SNX7: variants seen among roughly 807,000 people sequenced by gnomAD.
SNX7 encodes the protein sorting nexin 7, also known as sorting nexin-7.
A neutral mutation model predicts 48.4 loss-of-function variants in SNX7; 35 were observed. That is an observed-to-expected ratio of 0.72 (90% CI 0.55 to 0.96). The LOEUF is 0.96. Among genes scored for constraint, SNX7 ranks in the 40% least tolerant of loss-of-function variants. The pLI is 0.00. For synonymous variants in SNX7, 190 were observed against 190.2 expected (o/e 1.00, Z 0.01); for missense variants, 553 against 548.9 (o/e 1.01, Z -0.07).
chr1:98,742,417 T>A (rs992124788), intron 8 of SNX7, among the ~76,000 whole-genome samples: 2 of 152,110 alleles, frequency 1.3e-5, no homozygotes, highest in Admixed American at 1.3e-4. Flanking sequence ...GAGATAGCGC[T>A]GTCCTCTCTG....
intron 8 of SNX7, among the ~76,000 whole-genome samples, chr1:98,747,233 G>A (rs890564936): frequency 1.2e-4 from 18 of 152,272 alleles, no homozygotes; most frequent in African/African-American, 4.3e-4. Context: ...TCTTCTTGCA[G>A]AATGAGTGTT....
At chr1:98,677,550 A>G (rs1650229536) in intron 1 of SNX7, among the ~76,000 whole-genome samples, 1 of 152,186 alleles carries the variant, frequency 6.6e-6, no homozygotes, top group Non-Finnish European at 1.5e-5. Context: ...TGGAAAAGGG[A>G]AAGGCTAGAC....
At chr1:98,670,280 G>GA (rs1304816527) in intron 1 of SNX7, among the ~76,000 whole-genome samples, 6 of 151,842 alleles carry the variant, frequency 4.0e-5, no homozygotes, top group Non-Finnish European at 7.4e-5. Context: ...TCTTTTACTT[G>GA]AAAAAAAACC....
At chr1:98,746,145 C>T (rs1002860045) in intron 8 of SNX7, among the ~76,000 whole-genome samples, 3 of 151,954 alleles carry the variant, frequency 2.0e-5, no homozygotes, top group Non-Finnish European at 2.9e-5. Context: ...CACATTATTA[C>T]CAGGAAATTT....
chr1:98,718,755 CA>C (rs1168867381), intron 7 of SNX7, among the ~76,000 whole-genome samples: 1 of 152,136 alleles, frequency 6.6e-6, no homozygotes, highest in East Asian at 1.9e-4. Context: ...TTTCTTTATG[CA>C]TATGCAATAA....
At chr1:98,726,152 C>A in intron 7 of SNX7, among the ~76,000 whole-genome samples, 1 of 152,086 alleles carries the variant, frequency 6.6e-6, no homozygotes, top group East Asian at 1.9e-4. Flanking sequence ...AAGGAAATGA[C>A]CTTGTCTGCA....
intron 8 of SNX7, among the ~76,000 whole-genome samples, chr1:98,758,932 TACAC>T (rs3841351): frequency 5.3e-5 from 8 of 150,982 alleles, no homozygotes; most frequent in African/African-American, 9.7e-5. Context: ...TGTTTGTGCA[TACAC>T]ACACACACAC....
At chr1:98,744,410 G>GA (rs1378020225) in intron 8 of SNX7, among the ~76,000 whole-genome samples, 2 of 151,740 alleles carry the variant, frequency 1.3e-5, no homozygotes, top group Non-Finnish European at 2.9e-5. Context: ...AAGGAATACA[G>GA]AAAAAAACAG....
chr1:98,721,249 A>T (rs1160200820), intron 7 of SNX7, among the ~76,000 whole-genome samples: 1 of 152,138 alleles, frequency 6.6e-6, no homozygotes, highest in Non-Finnish European at 1.5e-5. Flanking sequence ...TGTAGTGCAG[A>T]TATTCCAAAA....
At chr1:98,713,108 A>AC (rs1553202058) in intron 7 of SNX7, among the ~76,000 whole-genome samples, 1 of 150,324 alleles carries the variant, frequency 6.7e-6, no homozygotes, top group Non-Finnish European at 1.5e-5. Flanking sequence ...AAAAAAAAAA[A>AC]AAAACTTGTC....
chr1:98,711,278 A>C (rs533686181), intron 7 of SNX7, among the ~76,000 whole-genome samples: 70 of 152,302 alleles, frequency 4.6e-4, no homozygotes, highest in African/African-American at 1.7e-3. Context: ...TTGACCTCCC[A>C]AAGTGCTGGG....
At position 98,698,730 on chromosome 1, in the gene SNX7, A is replaced by C. The variant is rs773999612; in HGVS notation, c.863A>C (p.Tyr288Ser). ...EREYFDEMKE[Y>S]GPIHILWSAS... The stretch of plus-strand genomic sequence containing the variant: ...GAATATTTTGATGAAATGAAAGAAT[A>C]TGGCCCAATTCATATTCTGTGGTCA... Residue 288 changes from tyrosine to serine, a missense_variant, in exon 6 of 9, where the codon TAT (tyrosine) becomes TCT (serine). Transcript: ENST00000306121. The C allele has an allele frequency of 6.2e-7, 1 of 1,612,426 alleles. No homozygotes were observed. Among genetic ancestry groups the C allele is most frequent in the East Asian group, 2.2e-5 (1 of 44,850 alleles).
intron 7 of SNX7, among the ~76,000 whole-genome samples, chr1:98,718,702 G>A (rs1364275539): frequency 6.6e-6 from 1 of 152,102 alleles, no homozygotes; most frequent in Non-Finnish European, 1.5e-5. Context: ...CATGTTATTA[G>A]TATAAGCACA....
intron 1 of SNX7, chr1:98,662,831 C>G (rs767234457): frequency 7.8e-7 from 1 of 1,289,178 alleles, no homozygotes; most frequent in South Asian, 1.2e-5. Context: ...AGCAAACGAC[C>G]TACTTAACCA....
chr1:98,676,085 CT>C (rs962490375), intron 1 of SNX7, among the ~76,000 whole-genome samples: 18 of 149,060 alleles, frequency 1.2e-4, no homozygotes, highest in African/African-American at 1.7e-4. Context: ...TTCCTGTTAA[CT>C]TTTTTTTTTA....
intron 2 of SNX7, among the ~76,000 whole-genome samples, chr1:98,690,545 C>G (rs771371527): frequency 2.6e-5 from 4 of 152,024 alleles, no homozygotes; most frequent in Admixed American, 6.5e-5. Flanking sequence ...GGTAAAATCA[C>G]TCTAAAATGT....
chr1:98,739,942 A>T (rs1653988968), intron 8 of SNX7, among the ~76,000 whole-genome samples: 1 of 152,206 alleles, frequency 6.6e-6, no homozygotes, highest in African/African-American at 2.4e-5. Flanking sequence ...GATTGCTCTG[A>T]CTGTACATGG....
intron 1 of SNX7, among the ~76,000 whole-genome samples, chr1:98,670,784 G>T (rs979771739): frequency 1.3e-5 from 2 of 152,074 alleles, no homozygotes; most frequent in African/African-American, 4.8e-5. Context: ...TTGGAAAGGG[G>T]ATTGGATGTT....
rs1655050404 is a variant in SNX7, at chr1:98,760,310, A to G, written c.*179A>G. 1.7e-6 allele frequency: 1 copy of G among 581,304 alleles called. No individual in the cohort carries two copies. Among genetic ancestry groups the G allele is most frequent in the Non-Finnish European group, 3.1e-6 (1 of 325,284 alleles). The allele number at this position is 581,304 out of a possible 1,614,324, so 36.0% of individuals were successfully genotyped here. A position where few individuals can be genotyped will look rare whatever the true frequency, so the allele number is the denominator to read the frequency against. ...CTGACATGAATTTGAAGATATATCT[A>G]TCTGTATGGATATATATCTATATGT... On this transcript the variant is annotated 3_prime_UTR_variant, in exon 9 of 9. Coordinates refer to ENST00000306121, the MANE Select transcript of SNX7 (RefSeq NM_015976.5).
Sources: gnomAD v4.1 joint callset for allele counts (sites outside exome capture counted in the v4.1 genomes callset) on GRCh38, gnomAD v4.1.1 for gene constraint, MANE v1.5 for transcripts, NCBI Gene and HGNC (gene_info 2026-07-23, HGNC 2026-07-21) for gene names.